Variants in DISC1 observed in about 807,000 individuals in gnomAD.
DISC1 encodes disrupted in schizophrenia 1 protein.
Under a neutral mutation model 84.5 loss-of-function variants are expected in DISC1, and 57 were observed. That is an observed-to-expected ratio of 0.67 (90% CI 0.55 to 0.84). The LOEUF (loss-of-function observed/expected upper bound fraction) is 0.84, where lower values mean the gene tolerates loss of function less well. DISC1 is among the 40% of genes least tolerant of loss of function. The probability of loss-of-function intolerance (pLI) is 0.00; values close to 1 mark genes in which losing one functional copy is unlikely to be tolerated. For synonymous variants in DISC1, 411 were observed against 415.2 expected (o/e 0.99, Z 0.12); for missense variants, 1,000 against 1,057.8 (o/e 0.95, Z 0.76).
intron 6 of DISC1, among the ~76,000 whole-genome samples, chr1:231,788,468 A>G (rs780631837): frequency 6.6e-6 from 1 of 152,192 alleles, no homozygotes; most frequent in Non-Finnish European, 1.5e-5. Context: ...TAAGGACACC[A>G]GTCATGTCGG....
At chr1:231,884,355 TTC>T (rs1289319851) in intron 9 of DISC1, among the ~76,000 whole-genome samples, 1 of 152,242 alleles carries the variant, frequency 6.6e-6, no homozygotes, top group African/African-American at 2.4e-5. Flanking sequence ...GTATTTGGTT[TTC>T]TGTTACTGCA....
At chr1:231,844,700 G>A (rs771178385) in intron 9 of DISC1, among the ~76,000 whole-genome samples, 1 of 152,146 alleles carries the variant, frequency 6.6e-6, no homozygotes, top group Non-Finnish European at 1.5e-5. Flanking sequence ...GCCGACGGGG[G>A]TGGATCACGA....
intron 9 of DISC1, among the ~76,000 whole-genome samples, chr1:231,871,732 A>G (rs1337985448): frequency 2.0e-5 from 3 of 152,080 alleles, no homozygotes; most frequent in East Asian, 1.9e-4. Context: ...CTGGGTCTCT[A>G]TAATGTTTGA....
At chr1:231,951,673 C>G (rs1658392021) in intron 9 of DISC1, among the ~76,000 whole-genome samples, 1 of 152,140 alleles carries the variant, frequency 6.6e-6, no homozygotes, top group Admixed American at 6.5e-5. Flanking sequence ...GTGACTCTTT[C>G]TGTTACCAAG....
chr1:231,722,713 C>T (rs1052455206), intron 3 of DISC1: 2 of 1,564,584 alleles, frequency 1.3e-6, no homozygotes, highest in East Asian at 2.4e-5. Context: ...GAAGAATACG[C>T]TCATTTATGA....
chr1:231,931,687 C>T lies in DISC1; in HGVS notation c.1982-27141C>T, dbSNP rs1280522520. On this transcript the variant is annotated intron_variant, in intron 9 of 12. Transcript: ENST00000439617. ...TCTTTGAGACAGGGTCTCACTCTAT[C>T]ACCCAGGCTGGAGTGGAGTGGCATA... Among the ~76,000 whole-genome samples, 10 of 147,354 alleles carry T rather than the reference C, an allele frequency of 6.8e-5. No homozygotes were observed. The South Asian group carries it at 1.1e-3, about 16-fold the overall frequency.
rs560613337 is a variant in DISC1 at position 231,820,364 on chromosome 1, C to T, written c.1981+1847C>T. On this transcript the variant is annotated intron_variant, in intron 9 of 12. Transcript: ENST00000439617. ...GAGGGTTAAAAATTCAGAGGGAGCTCTGTGTTCAAGTTTAAATGTAGAGAA... is the reference window on the plus strand; with the variant it reads ...GAGGGTTAAAAATTCAGAGGGAGCTTTGTGTTCAAGTTTAAATGTAGAGAA... Among the ~76,000 whole-genome samples the T allele has an allele frequency of 2.6e-5, 4 of 152,102 alleles. No homozygotes were observed. The South Asian group carries it at 8.3e-4, about 32-fold the overall frequency.
intron 9 of DISC1, among the ~76,000 whole-genome samples, chr1:231,835,979 A>C (rs2082605562): frequency 6.6e-6 from 1 of 152,196 alleles, no homozygotes. Flanking sequence ...TGGCCTTTCA[A>C]ACAAATGTGA....
At chr1:231,834,820 C>T (rs942614864) in intron 9 of DISC1, among the ~76,000 whole-genome samples, 20 of 152,110 alleles carry the variant, frequency 1.3e-4, no homozygotes, top group Non-Finnish European at 2.1e-4. Flanking sequence ...CCAAGGCAGG[C>T]GTCCCTGCAT....
At chr1:231,757,068 T>A (rs1363444089) in intron 4 of DISC1, among the ~76,000 whole-genome samples, 3 of 152,174 alleles carry the variant, frequency 2.0e-5, no homozygotes, top group Admixed American at 2.0e-4. Context: ...ATATATAATA[T>A]TTTTGAATGA....
chr1:232,000,428 A>G (rs1237068919), intron 10 of DISC1, among the ~76,000 whole-genome samples: 7 of 152,202 alleles, frequency 4.6e-5, no homozygotes, highest in Admixed American at 3.3e-4. Flanking sequence ...ACTGAAAAAA[A>G]TGAACAGAGC....
At chr1:231,769,967 T>C (rs562205195) in intron 5 of DISC1, among the ~76,000 whole-genome samples, 38 of 152,202 alleles carry the variant, frequency 2.5e-4, no homozygotes, top group African/African-American at 7.2e-4. Flanking sequence ...CTCCCAATTC[T>C]TCTCCCCACT....
intron 4 of DISC1, among the ~76,000 whole-genome samples, chr1:231,754,449 G>A (rs1018164134): frequency 6.6e-6 from 1 of 152,044 alleles, no homozygotes; most frequent in Non-Finnish European, 1.5e-5. Flanking sequence ...AGAAATGGGA[G>A]GTATTACTCA....
chr1:231,692,130 G>A (rs1219230712), intron 1 of DISC1, among the ~76,000 whole-genome samples: 1 of 152,194 alleles, frequency 6.6e-6, no homozygotes, highest in Non-Finnish European at 1.5e-5. Context: ...GAGTTCTGGG[G>A]CAAAGTAAGG....
chr1:232,004,086 A>C (rs1420184330), intron 10 of DISC1, among the ~76,000 whole-genome samples: 3 of 151,686 alleles, frequency 2.0e-5, no homozygotes, highest in African/African-American at 7.2e-5. Context: ...ACAAAAATTA[A>C]GAGCTTTAAA....
intron 3 of DISC1, among the ~76,000 whole-genome samples, chr1:231,725,393 T>A (rs911248157): frequency 2.6e-5 from 4 of 152,320 alleles, no homozygotes; most frequent in African/African-American, 9.6e-5. Flanking sequence ...TATTGCTCAT[T>A]AGCATAAGAC....
At chr1:231,795,122 C>T in intron 6 of DISC1, 120 bp from the exon 7 acceptor site, 2 of 944,692 alleles carry the variant, frequency 2.1e-6, no homozygotes, top group Non-Finnish European at 3.4e-6. Context: ...ATCATCTTTC[C>T]TCCTGCACTT....
rs182629654 is a variant in DISC1, at chr1:231,730,903, T to G, written c.1118-19023T>G. On this transcript the variant is annotated intron_variant, in intron 3 of 12. Transcript: ENST00000439617. ...TTCAATTAAAATGAAGAATATGGTGTAAAATTATTTTTATGCAGGAGAGCC... is the reference window on the plus strand; with the variant it reads ...TTCAATTAAAATGAAGAATATGGTGGAAAATTATTTTTATGCAGGAGAGCC... Among the ~76,000 whole-genome samples the G allele has an allele frequency of 3.6e-4, 55 of 152,282 alleles. 1 individual carries two copies. In the East Asian group the frequency reaches 8.9e-3, roughly 25 times the overall value.
intron 10 of DISC1, among the ~76,000 whole-genome samples, chr1:232,005,157 T>A (rs1295256759): frequency 6.8e-6 from 1 of 148,024 alleles, no homozygotes; most frequent in Non-Finnish European, 1.5e-5. Flanking sequence ...GGCATAGACA[T>A]AAAATACATA....
Sources: gnomAD v4.1 joint callset for allele counts (sites outside exome capture counted in the v4.1 genomes callset) on GRCh38, gnomAD v4.1.1 for gene constraint, MANE v1.5 for transcripts, NCBI Gene and HGNC (gene_info 2026-07-23, HGNC 2026-07-21) for gene names.